Variants in IL6R observed in about 807,000 individuals in gnomAD.
IL6R encodes the protein interleukin 6 receptor, also known as interleukin-6 receptor subunit alpha.
A neutral mutation model predicts 48.3 loss-of-function variants in IL6R; 38 were observed. The ratio of observed to expected loss-of-function variants is 0.79; its 90% CI spans 0.61 to 1.03. The LOEUF is 1.03. Among genes scored for constraint, IL6R ranks in the 50% least tolerant of loss-of-function variants. The probability of loss-of-function intolerance (pLI) is 0.00; values close to 1 mark genes in which losing one functional copy is unlikely to be tolerated. For missense variants in IL6R, 534 were observed against 618.3 expected, an observed-to-expected ratio of 0.86 and a Z score of 1.45; for synonymous variants, 264 against 256.2, an observed-to-expected ratio of 1.03 and a Z score of -0.29.
In IL6R at chr1:154,469,130, A is replaced by G. The variant is rs1435130547; in HGVS notation, c.*3750A>G. 1 of 152,268 alleles carries G rather than the reference A, an allele frequency of 6.6e-6. No individual in the cohort carries two copies. Among genetic ancestry groups the G allele is most frequent in the African/African-American group, 2.4e-5 (1 of 41,464 alleles). 9.4% of individuals were successfully genotyped at this position (152,268 alleles called of 1,614,324 possible). A position where few individuals can be genotyped will look rare whatever the true frequency, so the allele number is the denominator to read the frequency against. On this transcript the variant is annotated 3_prime_UTR_variant, in exon 10 of 10. Transcript: ENST00000368485. ...AAGGAACACTGTCAGTTTTATGAAC[A>G]TATGCTCAAATGAAATTCTACTTTA...
chr1:154,436,013 C>G lies in IL6R; in HGVS notation c.852C>G (p.Ser284Arg). 1 of 1,612,012 alleles carries G rather than the reference C, an allele frequency of 6.2e-7. No individual in the cohort carries two copies. Among genetic ancestry groups the G allele is most frequent in the Non-Finnish European group, 8.5e-7 (1 of 1,178,642 alleles). ...ACTGTGTCATCCACGACGCCTGGAGCGGCCTGAGGCACGTGGTGCAGCTTC... is the reference window on the plus strand; with the variant it reads ...ACTGTGTCATCCACGACGCCTGGAGGGGCCTGAGGCACGTGGTGCAGCTTC... ...QHHCVIHDAW[S>R]GLRHVVQLRA... Residue 284 changes from serine (S) to arginine (R), a missense_variant, in exon 6 of 10, where the codon AGC (serine) becomes AGG (arginine). Coordinates refer to ENST00000368485, the MANE Select transcript of IL6R (RefSeq NM_000565.4).
In IL6R at chr1:154,413,769, C is replaced by CTT. The variant is rs1266706392; in HGVS notation, c.85+8072_85+8073dup. Among the ~76,000 whole-genome samples, 114 of 111,702 alleles carry CTT rather than the reference C, an allele frequency of 1.0e-3. 1 individual carries two copies. The highest frequency in any genetic ancestry group is 2.8e-3 in the African/African-American group (84 of 29,838). The allele number at this position is 111,702 out of a possible 152,430, so 73.3% of individuals were successfully genotyped here. A position where few individuals can be genotyped will look rare whatever the true frequency, so the allele number is the denominator to read the frequency against. On this transcript the variant is annotated intron_variant, in intron 1 of 9. Transcript: ENST00000368485. ...TGACATATTAACATGTCATACATGA[C>CTT]TTTTTTTTTTTTTTTTTTGGTGGTG... is the stretch of plus-strand genomic sequence containing the variant.
At chr1:154,459,668 G>A (rs879099627) in intron 9 of IL6R, among the ~76,000 whole-genome samples, 1 of 151,952 alleles carries the variant, frequency 6.6e-6, no homozygotes, top group Non-Finnish European at 1.5e-5. Context: ...AATCATAGAT[G>A]ATTTTTTAAA....
At chr1:154,450,846 G>A (rs1274419727) in intron 8 of IL6R, among the ~76,000 whole-genome samples, 1 of 152,244 alleles carries the variant, frequency 6.6e-6, no homozygotes, top group Admixed American at 6.5e-5. Context: ...ATCCCTGGGT[G>A]GATTCCTGCC....
intron 9 of IL6R, 54 bp downstream of exon 9, chr1:154,454,635 C>A (rs1690772142): frequency 3.3e-6 from 4 of 1,215,812 alleles, no homozygotes; most frequent in African/African-American, 1.5e-5. Flanking sequence ...TCTTATCTAG[C>A]TTTCCTTTGC....
intron 1 of IL6R, among the ~76,000 whole-genome samples, chr1:154,425,499 G>A (rs774245648): frequency 3.3e-5 from 5 of 152,110 alleles, no homozygotes; most frequent in East Asian, 1.9e-4. Context: ...AAATGAGGCC[G>A]GGCCAGGTTG....
At chr1:154,422,108 G>A (rs771037340) in intron 1 of IL6R, among the ~76,000 whole-genome samples, 33 of 151,862 alleles carry the variant, frequency 2.2e-4, no homozygotes, top group Non-Finnish European at 3.4e-4. Flanking sequence ...CACCACGCCC[G>A]GCTAATTTTG....
chr1:154,458,876 G>A (rs1310968684), intron 9 of IL6R, among the ~76,000 whole-genome samples: 2 of 151,090 alleles, frequency 1.3e-5, no homozygotes, highest in Non-Finnish European at 2.9e-5. Flanking sequence ...ACTCCAGCCT[G>A]GGCAGCAGAA....
In IL6R at chr1:154,423,260, A is replaced by AATATATATATATAT. The variant is rs35079361; in HGVS notation, c.86-5925_86-5912dup. ...CCAGGCTATGTAGCTTGTTTAATTA[A>AATATATATATATAT]ATATATATATATATATATATATATG... On this transcript the variant is annotated intron_variant, in intron 1 of 9. Transcript: ENST00000368485. 3.8e-3 allele frequency among the ~76,000 whole-genome samples: 325 copies of AATATATATATATAT among 85,436 alleles called. 13 individuals are homozygous for AATATATATATATAT. Among genetic ancestry groups the AATATATATATATAT allele is most frequent in the Admixed American group, 6.9e-3 (45 of 6,492 alleles). The allele number at this position is 85,436 out of a possible 152,430, so 56.0% of individuals were successfully genotyped here. A position where few individuals can be genotyped will look rare whatever the true frequency, so the allele number is the denominator to read the frequency against.
At chr1:154,430,390 G>A (rs964667076) in intron 2 of IL6R, 93 bp from the exon 3 acceptor site, 48 of 1,501,248 alleles carry the variant, frequency 3.2e-5, no homozygotes, top group Admixed American at 1.5e-4. Context: ...GCCCAGCCAC[G>A]TGCTCCCCTC....
chr1:154,450,635 A>C (rs112690979), intron 8 of IL6R, among the ~76,000 whole-genome samples: 107 of 152,282 alleles, frequency 7.0e-4, no homozygotes, highest in African/African-American at 2.4e-3. Context: ...TTATTTTGGG[A>C]GCCCTTGATT....
In IL6R at chr1:154,435,170, T is replaced by C; in HGVS notation, c.807+14T>C. 1 of 1,612,730 alleles carries C rather than the reference T, an allele frequency of 6.2e-7. No homozygotes were observed. The highest frequency in any genetic ancestry group is 1.3e-5 in the African/African-American group (1 of 74,996). ...ACAACATGGATGGTAAATTTATGTT[T>C]TACTTCTGGTCAGAGAGGCGCCCCT... On this transcript the variant is annotated intron_variant, in intron 5 of 9. Transcript: ENST00000368485.
chr1:154,428,840 T>A (rs986344016), intron 1 of IL6R, among the ~76,000 whole-genome samples: 2 of 152,012 alleles, frequency 1.3e-5, no homozygotes, highest in African/African-American at 4.8e-5. Context: ...AGGGGAGGGC[T>A]CCACACCTTC....
Position 154,465,680 on chromosome 1 carries a change from G to A in IL6R, c.*300G>A. On this transcript the variant is annotated 3_prime_UTR_variant, in exon 10 of 10. Transcript: ENST00000368485. ...TGGACACTCACACGGACACTCAAAA[G>A]CTGGGCAGGTTGGTGGGGGCCTCGG... 1 of 369,542 alleles carries A rather than the reference G, an allele frequency of 2.7e-6. No individual in the cohort carries two copies. The highest frequency in any genetic ancestry group is 5.1e-6 in the Non-Finnish European group (1 of 196,782). 22.9% of individuals were successfully genotyped at this position (369,542 alleles called of 1,614,324 possible). A position where few individuals can be genotyped will look rare whatever the true frequency, so the allele number is the denominator to read the frequency against.
chr1:154,426,578 A>G (rs1223635775), intron 1 of IL6R, among the ~76,000 whole-genome samples: 2 of 152,016 alleles, frequency 1.3e-5, no homozygotes, highest in Non-Finnish European at 2.9e-5. Context: ...GACTATATTC[A>G]AACCATTTAT....
At position 154,405,592 on chromosome 1, in the gene IL6R, C is replaced by A; in HGVS notation, c.-38C>A. On this transcript the variant is annotated 5_prime_UTR_variant, in exon 1 of 10. Transcript: ENST00000368485. The surrounding 1 kb of genome is among the most constrained non-coding windows in gnomAD (Gnocchi z 5.2). ...CGCCCGGTTCCCATTAGCCTGTCCG[C>A]CTCTGCGGGACCATGGAGTGGTAGC... 1 of 1,507,174 alleles carries A rather than the reference C, an allele frequency of 6.6e-7. No homozygotes were observed. The highest frequency in any genetic ancestry group is 1.2e-5 in the South Asian group (1 of 82,970). The allele number at this position is 1,507,174 out of a possible 1,614,324, so 93.4% of individuals were successfully genotyped here. A position where few individuals can be genotyped will look rare whatever the true frequency, so the allele number is the denominator to read the frequency against.
intron 1 of IL6R, among the ~76,000 whole-genome samples, chr1:154,411,960 T>C (rs1688045215): frequency 6.6e-6 from 1 of 151,248 alleles, no homozygotes; most frequent in Non-Finnish European, 1.5e-5. Flanking sequence ...TTTTTTTTTT[T>C]TTTTTGAGAT....
At chr1:154,419,482 C>G (rs1191919268) in intron 1 of IL6R, among the ~76,000 whole-genome samples, 3 of 152,218 alleles carry the variant, frequency 2.0e-5, no homozygotes, top group African/African-American at 7.2e-5. Context: ...ACCATTATTG[C>G]TGACAGGGGA....
chr1:154,424,763 A>G (rs1037523922), intron 1 of IL6R, among the ~76,000 whole-genome samples: 1 of 152,280 alleles, frequency 6.6e-6, no homozygotes, highest in Admixed American at 6.5e-5. Context: ...TTGGAGTTCA[A>G]CGCACTGGAC....
Sources: gnomAD v4.1 joint callset for allele counts (sites outside exome capture counted in the v4.1 genomes callset) on GRCh38, gnomAD v4.1.1 for gene constraint, Gnocchi (gnomAD v3.1) non-coding constraint, MANE v1.5 for transcripts, NCBI Gene and HGNC (gene_info 2026-07-23, HGNC 2026-07-21) for gene names.